The following XRN1 variants were observed in gnomAD, a reference collection of about 807,000 sequenced individuals.
The protein encoded by XRN1 is strand-exchange protein 1 homolog.
Under a neutral mutation model 222.3 loss-of-function variants are expected in XRN1, and 67 were observed. The ratio of observed to expected loss-of-function variants is 0.30; its 90% CI spans 0.25 to 0.37. The LOEUF (loss-of-function observed/expected upper bound fraction) is 0.37, where lower values mean the gene tolerates loss of function less well. Ranked by LOEUF, XRN1 falls within the 10% of genes least tolerant of loss-of-function variation. The pLI is 1.00. For missense variants in XRN1, 1,707 were observed against 2,000.2 expected, an observed-to-expected ratio of 0.85 and a Z score of 2.80; for synonymous variants, 643 against 652.4, an observed-to-expected ratio of 0.99 and a Z score of 0.22.
chr3:142,351,275 T>C (rs772612353), intron 32 of XRN1, among the ~76,000 whole-genome samples: 1 of 152,032 alleles, frequency 6.6e-6, no homozygotes, highest in African/African-American at 2.4e-5. Context: ...CAAAGAAGAC[T>C]GAGAAACAAC....
chr3:142,386,700 A>G (rs1439774186), intron 20 of XRN1, among the ~76,000 whole-genome samples: 2 of 152,194 alleles, frequency 1.3e-5, no homozygotes, highest in African/African-American at 4.8e-5. Context: ...GCATTTCACA[A>G]AAGAGTATGC....
At chr3:142,342,731 T>C (rs555637662) in intron 33 of XRN1, among the ~76,000 whole-genome samples, 1 of 152,276 alleles carries the variant, frequency 6.6e-6, no homozygotes, top group African/African-American at 2.4e-5. Context: ...GATATCCATG[T>C]GCAGAAAAAT....
At chr3:142,334,210 A>T (rs187414377) in intron 34 of XRN1, among the ~76,000 whole-genome samples, 52 of 152,344 alleles carry the variant, frequency 3.4e-4, no homozygotes, top group Non-Finnish European at 4.6e-4. Context: ...TTTCTAGAAG[A>T]AAGGAAATTA....
intron 2 of XRN1, 73 bp from the exon 3 acceptor site, chr3:142,426,914 T>A: frequency 1.8e-6 from 2 of 1,128,322 alleles, no homozygotes; most frequent in Non-Finnish European, 2.6e-6. Flanking sequence ...AACTGCTATG[T>A]AGGTGCCTTT....
At chr3:142,401,822 A>G (rs931606079) in intron 18 of XRN1, among the ~76,000 whole-genome samples, 4 of 152,204 alleles carry the variant, frequency 2.6e-5, no homozygotes, top group Non-Finnish European at 5.9e-5. Flanking sequence ...TTCTGCTTCC[A>G]CCAATCTACC....
At chr3:142,400,203 G>C (rs1318646052) in intron 19 of XRN1, among the ~76,000 whole-genome samples, 1 of 152,142 alleles carries the variant, frequency 6.6e-6, no homozygotes, top group African/African-American at 2.4e-5. Flanking sequence ...TTAGGATATA[G>C]AACTTCCAAG....
intron 13 of XRN1, among the ~76,000 whole-genome samples, chr3:142,414,742 G>A (rs967640772): frequency 1.3e-5 from 2 of 152,234 alleles, no homozygotes; most frequent in South Asian, 2.1e-4. Context: ...TGATCCGCCC[G>A]CCTCGGCCTC....
At chr3:142,376,942 C>T (rs1056575880) in intron 23 of XRN1, among the ~76,000 whole-genome samples, 1 of 152,058 alleles carries the variant, frequency 6.6e-6, no homozygotes, top group African/African-American at 2.4e-5. Context: ...TTCGTTTCTA[C>T]TAATTTTCAT....
chr3:142,422,256 A>G (rs373794131), intron 8 of XRN1, among the ~76,000 whole-genome samples: 7 of 152,142 alleles, frequency 4.6e-5, no homozygotes, highest in African/African-American at 1.7e-4. Flanking sequence ...CATAGCTTGA[A>G]TCCAGAAGGC....
intron 3 of XRN1, 157 bp downstream of exon 3, chr3:142,426,587 T>A (rs2069259513): frequency 3.1e-6 from 2 of 639,664 alleles, no homozygotes; most frequent in Admixed American, 3.1e-5. Flanking sequence ...ATGACCAAGG[T>A]GACCAAATCG....
intron 1 of XRN1, among the ~76,000 whole-genome samples, chr3:142,441,094 T>C (rs574414210): frequency 7.2e-5 from 11 of 152,274 alleles, no homozygotes; most frequent in South Asian, 2.1e-4. Flanking sequence ...AACCAAAGGC[T>C]CAGCTCTGCT....
rs2306700 is a variant in XRN1 at position 142,404,999 on chromosome 3, C to T, written c.1791G>A (p.Glu597=). Residue 597 remains glutamate (E), a synonymous_variant, in exon 16 of 41, where the codon GAG becomes GAA. Transcript: ENST00000392981. ...KEERKRNQHS[E]CLMCWYDRDT... is the part of the protein sequence containing the mutation. ...CTCTATCATACCAGCACATTAGGCACTCACTATGTTGGTTTCTTTTCCTCT... is the reference window on the plus strand; with the variant it reads ...CTCTATCATACCAGCACATTAGGCATTCACTATGTTGGTTTCTTTTCCTCT... 0.13 allele frequency: 213,331 copies of T among 1,613,462 alleles called. 14,424 individuals are homozygous for T. Among genetic ancestry groups the T allele is most frequent in the African/African-American group, 0.15 (11,265 of 74,940 alleles).
In XRN1 at chr3:142,328,589, G is replaced by A. The variant is rs112237140; in HGVS notation, c.4404+845C>T. ...TCCTTGAGAATGTTCCATTTGTTGA[G>A]GAAAAGAATGTATATTCTACAGCTG... is the stretch of plus-strand genomic sequence containing the variant. On this transcript the variant is annotated intron_variant, in intron 37 of 40. Coordinates refer to ENST00000392981, the MANE Select transcript of XRN1 (RefSeq NM_001282857.2). Among the ~76,000 whole-genome samples, 1,239 of 149,594 alleles carry A rather than the reference G, an allele frequency of 8.3e-3. 18 individuals are homozygous for A. The highest frequency in any genetic ancestry group is 0.028 in the African/African-American group (1,132 of 40,936).
intron 33 of XRN1, among the ~76,000 whole-genome samples, chr3:142,336,329 G>C (rs1469196284): frequency 4.9e-4 from 74 of 151,944 alleles, no homozygotes; most frequent in Non-Finnish European, 2.9e-5. Context: ...GGATTATATA[G>C]CTATATAGAT....
chr3:142,426,904 A>T, intron 2 of XRN1, 63 bp from the exon 3 acceptor site: 4 of 1,324,394 alleles, frequency 3.0e-6, no homozygotes, highest in Non-Finnish European at 4.3e-6. Flanking sequence ...TCTTTATATA[A>T]ACTGCTATGT....
intron 1 of XRN1, among the ~76,000 whole-genome samples, chr3:142,433,715 T>G (rs2069731415): frequency 6.6e-6 from 1 of 152,206 alleles, no homozygotes; most frequent in South Asian, 2.1e-4. Context: ...TGTACTGTAA[T>G]AAAAGAATCT....
chr3:142,414,328 T>C (rs1269803987), intron 13 of XRN1, 37 bp from the exon 14 acceptor site: 24 of 1,470,334 alleles, frequency 1.6e-5, no homozygotes. Flanking sequence ...AAGTGGCATC[T>C]TTATGAATTA....
At chr3:142,357,363 G>T (rs2066491733) in intron 30 of XRN1, among the ~76,000 whole-genome samples, 1 of 152,146 alleles carries the variant, frequency 6.6e-6, no homozygotes, top group Non-Finnish European at 1.5e-5. Flanking sequence ...TTCTAGGGGT[G>T]TGTGTCGATT....
At position 142,426,757 on chromosome 3, in the gene XRN1, G is replaced by C; in HGVS notation, c.393C>G (p.Asn131Lys). 1 of 1,613,256 alleles carries C rather than the reference G, an allele frequency of 6.2e-7. No individual in the cohort carries two copies. Among genetic ancestry groups the C allele is most frequent in the Non-Finnish European group, 8.5e-7 (1 of 1,179,608 alleles). The stretch of plus-strand genomic sequence containing the variant: ...CAGTGAATTTACCTGGTGTGATACA[G>C]TTGGAATCAAATCTGGCCTCTGTAG... Reference protein sequence around the residue: ...TLPTEARFDSNCITPGTEFMA... With the variant: ...TLPTEARFDSKCITPGTEFMA... The change falls in exon 3 of 41, where the codon AAC becomes AAG. Residue 131 changes from asparagine (N) to lysine (K), a missense_variant. Coordinates refer to ENST00000392981, the MANE Select transcript of XRN1 (RefSeq NM_001282857.2).
Sources: allele counts gnomAD v4.1 joint callset (sites outside exome capture counted in the v4.1 genomes callset), GRCh38; gene constraint gnomAD v4.1.1; transcripts MANE v1.5; gene names NCBI Gene and HGNC (gene_info 2026-07-23, HGNC 2026-07-21).